NDE1: variants seen among roughly 807,000 people sequenced by gnomAD.
NDE1 encodes nuclear distribution protein nudE homolog 1.
Under a neutral mutation model 43.4 loss-of-function variants are expected in NDE1, and 28 were observed. The observed-to-expected ratio is 0.65, with a 90% CI of 0.48 to 0.89. The LOEUF is 0.89. Among genes scored for constraint, NDE1 ranks in the 40% least tolerant of loss-of-function variants. The pLI is 0.00. For synonymous variants in NDE1, 184 were observed against 172.0 expected (o/e 1.07, Z -0.55); for missense variants, 441 against 434.1 (o/e 1.02, Z -0.14).
chr16:15,696,885 C>T (rs550989366), intron 8 of NDE1, 25 bp downstream of exon 8: 11 of 1,610,934 alleles, frequency 6.8e-6, no homozygotes, highest in African/African-American at 2.7e-5. Context: ...ATAAACCTCT[C>T]GCTGGCGGGG....
chr16:15,718,334 A>C, intron 8 of NDE1: 1 of 1,608,940 alleles, frequency 6.2e-7, no homozygotes, highest in Non-Finnish European at 8.5e-7. Context: ...GGCTTTGCGG[A>C]CCCGGTCGCT....
chr16:15,687,099 G>T, intron 4 of NDE1: 1 of 1,311,810 alleles, frequency 7.6e-7, no homozygotes, highest in Non-Finnish European at 9.8e-7. Context: ...AGTCCTGATA[G>T]GGCTTTGGCT....
At chr16:15,671,349 A>G (rs572010619) in intron 3 of NDE1, among the ~76,000 whole-genome samples, 36 of 152,200 alleles carry the variant, frequency 2.4e-4, no homozygotes, top group African/African-American at 5.5e-4. Flanking sequence ...ACAAAAAAAT[A>G]AAAATAAAAA....
rs764515142 is a variant in NDE1, at chr16:15,667,307, A to C, written c.105A>C (p.Glu35Asp). 3 of 1,614,088 alleles carry C rather than the reference A, an allele frequency of 1.9e-6. No individual in the cohort carries two copies. In the Admixed American group the frequency reaches 5.0e-5, roughly 27 times the overall value. ...GTAGGGCAGAAAATACGCAAGAGGAACTCCGAGAATTCCAGGAGGGAAGCC... is the reference window on the plus strand; with the variant it reads ...GTAGGGCAGAAAATACGCAAGAGGACCTCCGAGAATTCCAGGAGGGAAGCC... ...YKQRAENTQE[E>D]LREFQEGSRE... The change falls in exon 3 of 9, where the codon GAA becomes GAC. Residue 35 changes from glutamate (E) to aspartate (D), a missense_variant. Transcript: ENST00000396354.
At chr16:15,673,291 C>T (rs1443005345) in intron 3 of NDE1, among the ~76,000 whole-genome samples, 2 of 151,980 alleles carry the variant, frequency 1.3e-5, no homozygotes, top group Non-Finnish European at 2.9e-5. Context: ...CTCACTGCAA[C>T]CTCCGCCTCC....
chr16:15,717,219 TGAC>T, intron 8 of NDE1: 1 of 1,614,220 alleles, frequency 6.2e-7, no homozygotes, highest in Non-Finnish European at 8.5e-7. Context: ...AACTTGGACT[TGAC>T]GGCCCCCTCC....
At chr16:15,714,369 G>C (rs1023766678) in intron 8 of NDE1, 2 of 172,934 alleles carry the variant, frequency 1.2e-5, no homozygotes, top group African/African-American at 4.8e-5. Flanking sequence ...GGTGGTGGGG[G>C]ACTACTGCAG....
intron 1 of NDE1, among the ~76,000 whole-genome samples, chr16:15,662,653 C>T (rs996601066): frequency 7.2e-5 from 11 of 151,826 alleles, no homozygotes; most frequent in South Asian, 4.1e-4. Context: ...CTTGGCTCAC[C>T]GCAACCTCTG....
At chr16:15,668,089 C>T (rs559084972) in intron 3 of NDE1, among the ~76,000 whole-genome samples, 15 of 151,822 alleles carry the variant, frequency 9.9e-5, no homozygotes, top group Non-Finnish European at 1.8e-4. Flanking sequence ...CTGGGCCGGG[C>T]GAGGTGGTGC....
chr16:15,707,624 T>C (rs1366321314), intron 8 of NDE1, among the ~76,000 whole-genome samples: 3 of 152,180 alleles, frequency 2.0e-5, no homozygotes, highest in South Asian at 4.1e-4. Flanking sequence ...AAAATGAAGA[T>C]GGACACAAAT....
chr16:15,686,204 G>A (rs566187995), intron 4 of NDE1, among the ~76,000 whole-genome samples: 136 of 152,090 alleles, frequency 8.9e-4, no homozygotes, highest in Non-Finnish European at 1.7e-3. Context: ...CGCCCGCCTC[G>A]GCCTCCCAAA....
intron 1 of NDE1, among the ~76,000 whole-genome samples, chr16:15,661,030 A>G (rs1400945180): frequency 6.6e-6 from 1 of 152,038 alleles, no homozygotes; most frequent in African/African-American, 2.4e-5. Flanking sequence ...TGTTGACCCA[A>G]TTTCAACCCT....
At chr16:15,719,093 C>T (rs1431759673) in intron 8 of NDE1, 2 of 897,572 alleles carry the variant, frequency 2.2e-6, no homozygotes, top group African/African-American at 3.3e-5. Flanking sequence ...GTGCCACTGC[C>T]CTCCAGCCTG....
intron 8 of NDE1, chr16:15,719,152 G>C: frequency 6.8e-7 from 1 of 1,462,792 alleles, no homozygotes; most frequent in Non-Finnish European, 9.5e-7. Flanking sequence ...AATAAAATGG[G>C]GGTCGAGGAT....
chr16:15,695,646 C>T, intron 7 of NDE1: 2 of 985,228 alleles, frequency 2.0e-6, no homozygotes, highest in Non-Finnish European at 2.4e-6. Flanking sequence ...CCTAGAAGGC[C>T]ACATAATTTA....
intron 1 of NDE1, among the ~76,000 whole-genome samples, chr16:15,644,282 C>G (rs1049005823): frequency 6.6e-6 from 1 of 152,168 alleles, no homozygotes; most frequent in Non-Finnish European, 1.5e-5. Flanking sequence ...CAAAAAAATC[C>G]TTACTGGGAG....
chr16:15,714,832 G>T (rs986530668), intron 8 of NDE1: 19 of 1,569,948 alleles, frequency 1.2e-5, no homozygotes, highest in Non-Finnish European at 1.5e-5. Context: ...GGCATTTGCA[G>T]GCCGAAAGGA....
chr16:15,673,732 A>G (rs902242162), intron 3 of NDE1, among the ~76,000 whole-genome samples: 19 of 151,948 alleles, frequency 1.3e-4, no homozygotes, highest in Admixed American at 3.3e-4. Flanking sequence ...GAGTCTTCCT[A>G]TGTTGCCTAG....
intron 3 of NDE1, among the ~76,000 whole-genome samples, chr16:15,669,942 C>T (rs1317644932): frequency 1.3e-5 from 2 of 152,192 alleles, no homozygotes; most frequent in African/African-American, 4.8e-5. Context: ...TAAAAACCAT[C>T]CCTTCTGTAC....
Sources: allele counts gnomAD v4.1 joint callset (sites outside exome capture counted in the v4.1 genomes callset), GRCh38; gene constraint gnomAD v4.1.1; transcripts MANE v1.5; gene names NCBI Gene and HGNC (gene_info 2026-07-23, HGNC 2026-07-21).